Variants in KIF21A observed in about 807,000 individuals in gnomAD.
The protein encoded by KIF21A is kinesin-like protein KIF21A.
In KIF21A, 114 loss-of-function variants were observed where a neutral mutation model predicts 202.9. The observed-to-expected ratio is 0.56, with a 90% CI of 0.48 to 0.66. The LOEUF is 0.66. Ranked by LOEUF, KIF21A falls within the 30% of genes least tolerant of loss-of-function variation. The pLI, the probability that KIF21A is intolerant of heterozygous loss-of-function variation, is 0.00. For synonymous variants in KIF21A, 667 were observed against 670.8 expected, an observed-to-expected ratio of 0.99 and a Z score of 0.09; for missense variants, 1,677 against 1,994.9, an observed-to-expected ratio of 0.84 and a Z score of 3.04.
At chr12:39,389,378 A>T (rs990272844) in intron 1 of KIF21A, among the ~76,000 whole-genome samples, 3 of 152,352 alleles carry the variant, frequency 2.0e-5, no homozygotes, top group Admixed American at 6.5e-5. Context: ...ATAAAGGGCA[A>T]TATGGAATCA....
chr12:39,409,358 A>AAAAT lies in KIF21A; in HGVS notation c.44+33565_44+33568dup, dbSNP rs1413588732. ...AATATAGTGAGACCTCATCTCTACA[A>AAAAT]AAATAAATAAATAAATAAAAATTAA... On this transcript the variant is annotated intron_variant, in intron 1 of 37. Coordinates refer to ENST00000361418, the MANE Select transcript of KIF21A (RefSeq NM_001173464.2). Among the ~76,000 whole-genome samples, 8 of 150,358 alleles carry AAAAT rather than the reference A, an allele frequency of 5.3e-5. No homozygotes were observed. The South Asian group carries it at 1.5e-3, about 28-fold the overall frequency.
chr12:39,320,029 A>G lies in KIF21A; in HGVS notation c.3672-16T>C, dbSNP rs182418495. ...CTGCCTGGAACTAAAGTAAAAGAAG[A>G]TTCTTTAATTACCTAATTCTAAATT... On this transcript the variant is annotated splice_polypyrimidine_tract_variant and intron_variant, in intron 27 of 37. Transcript: ENST00000361418. The G allele has an allele frequency of 2.1e-6, 3 of 1,410,506 alleles. No individual in the cohort carries two copies. In the African/African-American group the frequency reaches 4.2e-5, roughly 20 times the overall value. 87.4% of individuals were successfully genotyped at this position (1,410,506 alleles called of 1,614,324 possible).
Position 39,363,080 on chromosome 12 carries a change from A to G in KIF21A, c.1019+18T>C, listed in dbSNP as rs778852859. On this transcript the variant is annotated intron_variant, in intron 7 of 37. Coordinates refer to ENST00000361418, the MANE Select transcript of KIF21A (RefSeq NM_001173464.2). ...GAATAATCAAAAGTCTGAGTAGAGGATAATCATCTATGCATACCTATTACC... is the reference window on the plus strand; with the variant it reads ...GAATAATCAAAAGTCTGAGTAGAGGGTAATCATCTATGCATACCTATTACC... 5.8e-6 allele frequency: 8 copies of G among 1,372,572 alleles called. No homozygotes were observed. The African/African-American group carries it at 1.1e-4, about 20-fold the overall frequency. The allele number at this position is 1,372,572 out of a possible 1,614,324, so 85.0% of individuals were successfully genotyped here. A position where few individuals can be genotyped will look rare whatever the true frequency, so the allele number is the denominator to read the frequency against.
chr12:39,321,771 T>G (rs1253153679), intron 27 of KIF21A: 1 of 152,132 alleles, frequency 6.6e-6, no homozygotes, highest in East Asian at 1.9e-4. Flanking sequence ...GTGCCACTTT[T>G]GGGGGGGCAA....
intron 8 of KIF21A, 29 bp from the exon 9 acceptor site, chr12:39,357,466 G>C (rs770900823): frequency 6.3e-7 from 1 of 1,575,932 alleles, no homozygotes; most frequent in Admixed American, 1.7e-5. Context: ...GTCCTTGTTG[G>C]TTGAGGAGCC....
intron 1 of KIF21A, among the ~76,000 whole-genome samples, chr12:39,395,661 G>C (rs994804563): frequency 2.6e-5 from 4 of 151,892 alleles, no homozygotes; most frequent in African/African-American, 9.7e-5. Flanking sequence ...GGCCAACATG[G>C]GGAAACCCGA....
At position 39,341,583 on chromosome 12, in the gene KIF21A, C is replaced by G. The variant is rs748099862; in HGVS notation, c.1843G>C (p.Glu615Gln). 6.2e-7 allele frequency: 1 copy of G among 1,610,528 alleles called. No homozygotes were observed. Among genetic ancestry groups the G allele is most frequent in the Non-Finnish European group, 8.5e-7 (1 of 1,177,678 alleles). The change falls in exon 14 of 38, where the codon GAG becomes CAG. Residue 615 changes from glutamate (E) to glutamine (Q), a missense_variant. Coordinates refer to ENST00000361418, the MANE Select transcript of KIF21A (RefSeq NM_001173464.2). ...QEVSDHEDEE[E>Q]EEEEEEDDID... ...TCATCTTCCTCCTCCTCCTCCTCCT[C>G]TTCTTCATCCTCATGATCACTCACT... is the stretch of plus-strand genomic sequence containing the variant.
intron 21 of KIF21A, 169 bp from the exon 22 acceptor site, chr12:39,331,960 A>G: frequency 8.6e-6 from 6 of 699,272 alleles, no homozygotes; most frequent in Non-Finnish European, 1.5e-5. Flanking sequence ...AGTTGAAAAG[A>G]CACATTTAAG....
At chr12:39,341,273 G>A (rs1443089761) in intron 14 of KIF21A, among the ~76,000 whole-genome samples, 179 bp from the exon 15 acceptor site, 1 of 152,002 alleles carries the variant, frequency 6.6e-6, no homozygotes, top group African/African-American at 2.4e-5. Context: ...TGTTCATTTT[G>A]GTCAAGGACA....
At position 39,386,599 on chromosome 12, in the gene KIF21A, A is replaced by G. The variant is rs181655142; in HGVS notation, c.45-16338T>C. Among the ~76,000 whole-genome samples the G allele has an allele frequency of 5.4e-4, 82 of 152,282 alleles. 1 individual carries two copies. Among genetic ancestry groups the G allele is most frequent in the South Asian group, 2.1e-4 (1 of 4,822 alleles). On this transcript the variant is annotated intron_variant, in intron 1 of 37. Transcript: ENST00000361418. ...TGCTGACAAAACAAACAGTAAGATGAAAAGCTACTGACTCTTTCTAAGCCA... is the reference window on the plus strand; with the variant it reads ...TGCTGACAAAACAAACAGTAAGATGGAAAGCTACTGACTCTTTCTAAGCCA...
At chr12:39,416,515 G>A (rs963125704) in intron 1 of KIF21A, among the ~76,000 whole-genome samples, 2 of 151,382 alleles carry the variant, frequency 1.3e-5, no homozygotes, top group Admixed American at 1.3e-4. Context: ...AGAATCGCTT[G>A]AACCCGGGAG....
At chr12:39,301,734 T>A (rs1942981968) in intron 36 of KIF21A, 55 bp from the exon 37 acceptor site, 1 of 1,433,964 alleles carries the variant, frequency 7.0e-7, no homozygotes, top group African/African-American at 1.4e-5. Context: ...AACTGACATT[T>A]TCACATGAAA....
chr12:39,318,099 C>G lies in KIF21A; in HGVS notation c.3882G>C (p.Gln1294His). The G allele has an allele frequency of 3.1e-6, 5 of 1,613,226 alleles. No homozygotes were observed. Among genetic ancestry groups the G allele is most frequent in the Non-Finnish European group, 4.2e-6 (5 of 1,179,376 alleles). The change falls in exon 29 of 38, where the codon CAG (glutamine) becomes CAC (histidine). Residue 1294 changes from glutamine to histidine, a missense_variant. Physicochemically the swap from Gln to His is conservative, Grantham distance 24. Coordinates refer to ENST00000361418, the MANE Select transcript of KIF21A (RefSeq NM_001173464.2). ...TATCCTGCTGAACTGATGTGTTTCC[C>G]TGAGAAACAGTAAGACGATTAAAAA... is the stretch of plus-strand genomic sequence containing the variant. ...LNVFNRLTVS[Q>H]GNTSVQQDKS...
rs147422509 is a variant in KIF21A at position 39,315,830 on chromosome 12, G to A, written c.3947+102C>T. On this transcript the variant is annotated intron_variant, in intron 30 of 37. Coordinates refer to ENST00000361418, the MANE Select transcript of KIF21A (RefSeq NM_001173464.2). ...AGTGCATTTATATGATTTACAACAA[G>A]TGATGCATGCAACAAAAATGAGACT... 0.012 allele frequency: 9,964 copies of A among 814,558 alleles called. 962 individuals are homozygous for A. In the Admixed American group the frequency reaches 0.16, roughly 13 times the overall value. 50.5% of individuals were successfully genotyped at this position (814,558 alleles called of 1,614,324 possible).
chr12:39,390,583 A>G (rs1951276275), intron 1 of KIF21A, among the ~76,000 whole-genome samples: 1 of 152,168 alleles, frequency 6.6e-6, no homozygotes, highest in African/African-American at 2.4e-5. Flanking sequence ...TTTATGTTAT[A>G]CCAAACTATA....
At chr12:39,344,840 C>T (rs1021272458) in intron 12 of KIF21A, among the ~76,000 whole-genome samples, 3 of 151,978 alleles carry the variant, frequency 2.0e-5, no homozygotes, top group Non-Finnish European at 4.4e-5. Context: ...TAAATTTGTG[C>T]TTTATATAGA....
At chr12:39,322,195 A>C (rs1276589083) in intron 27 of KIF21A, 1 of 153,842 alleles carries the variant, frequency 6.5e-6, no homozygotes, top group Non-Finnish European at 1.4e-5. Context: ...AAAGCTCAAA[A>C]TGTATTAAAC....
chr12:39,398,961 T>C lies in KIF21A; in HGVS notation c.45-28700A>G, dbSNP rs77652966. ...TATAATGTCTGAGAGCGGTGACTCA[T>C]GCCTGTACTCCCCACACTTTGGGAG... is the stretch of plus-strand genomic sequence containing the variant. On this transcript the variant is annotated intron_variant, in intron 1 of 37. Coordinates refer to ENST00000361418, the MANE Select transcript of KIF21A (RefSeq NM_001173464.2). 4.5e-3 allele frequency among the ~76,000 whole-genome samples: 686 copies of C among 152,208 alleles called. 5 individuals carry two copies. Among genetic ancestry groups the C allele is most frequent in the African/African-American group, 0.016 (654 of 41,524 alleles).
intron 11 of KIF21A, among the ~76,000 whole-genome samples, chr12:39,349,425 T>C (rs1475208473): frequency 6.6e-6 from 1 of 151,938 alleles, no homozygotes; most frequent in Non-Finnish European, 1.5e-5. Flanking sequence ...CTCTGACAAA[T>C]AAAATAGATA....
Sources: allele counts gnomAD v4.1 joint callset (sites outside exome capture counted in the v4.1 genomes callset), GRCh38; gene constraint gnomAD v4.1.1; transcripts MANE v1.5; gene names NCBI Gene and HGNC (gene_info 2026-07-23, HGNC 2026-07-21).